The following PRKG1 variants were observed in gnomAD, a reference collection of about 807,000 sequenced individuals.
The protein encoded by PRKG1 is cGMP-dependent protein kinase 1.
In PRKG1, 35 loss-of-function variants were observed where a neutral mutation model predicts 88.1. That is an observed-to-expected ratio of 0.40 (90% confidence interval 0.30 to 0.53). PRKG1 has a LOEUF of 0.53. Ranked by LOEUF, PRKG1 falls within the 20% of genes least tolerant of loss-of-function variation. The probability of loss-of-function intolerance (pLI) is 0.59; values close to 1 mark genes in which losing one functional copy is unlikely to be tolerated. For missense variants in PRKG1, 540 were observed against 839.8 expected, an observed-to-expected ratio of 0.64 and a Z score of 4.41; for synonymous variants, 303 against 292.5, an observed-to-expected ratio of 1.04 and a Z score of -0.37.
At chr10:52,021,860 G>A (rs1845194701) in intron 5 of PRKG1, among the ~76,000 whole-genome samples, 1 of 152,146 alleles carries the variant, frequency 6.6e-6, no homozygotes. Flanking sequence ...CAGGATAAGA[G>A]TCAAGACTAG....
At chr10:51,929,530 T>C (rs910956560) in intron 5 of PRKG1, among the ~76,000 whole-genome samples, 1 of 151,944 alleles carries the variant, frequency 6.6e-6, no homozygotes, top group Non-Finnish European at 1.5e-5. Flanking sequence ...TTTGTATTTT[T>C]AGTAGAGATG....
chr10:51,101,518 T>C (rs932301389), intron 1 of PRKG1, among the ~76,000 whole-genome samples: 1 of 152,224 alleles, frequency 6.6e-6, no homozygotes, highest in Non-Finnish European at 1.5e-5. Flanking sequence ...TTTTGAGAAC[T>C]TTGTATTCTC....
At chr10:51,134,253 G>A (rs1201567563) in intron 1 of PRKG1, among the ~76,000 whole-genome samples, 2 of 152,066 alleles carry the variant, frequency 1.3e-5, no homozygotes, top group Admixed American at 6.6e-5. Flanking sequence ...TATAATTACT[G>A]GAATTCCTAA....
intron 3 of PRKG1, among the ~76,000 whole-genome samples, chr10:51,705,118 C>T (rs1042591518): frequency 9.9e-5 from 15 of 152,056 alleles, no homozygotes; most frequent in African/African-American, 3.1e-4. Context: ...TTTTTCACCT[C>T]CTAGCTTTTT....
chr10:51,927,133 T>C lies in PRKG1; in HGVS notation c.762+19563T>C, dbSNP rs111697168. Among the ~76,000 whole-genome samples the C allele has an allele frequency of 1.6e-3, 245 of 152,188 alleles. 1 individual carries two copies. Among genetic ancestry groups the C allele is most frequent in the Non-Finnish European group, 2.7e-3 (186 of 67,954 alleles). ...ATGATATGGTTTGACCATATTCCTA[T>C]CCAAATCTCATTTTGAATTGTAGCT... On this transcript the variant is annotated intron_variant, in intron 5 of 17. Transcript: ENST00000373980.
intron 3 of PRKG1, among the ~76,000 whole-genome samples, chr10:51,526,125 G>A (rs960021841): frequency 1.3e-5 from 2 of 151,966 alleles, no homozygotes; most frequent in Non-Finnish European, 2.9e-5. Context: ...CAGTCACTTC[G>A]CTACTATTAA....
chr10:51,551,756 C>T (rs1837141538), intron 3 of PRKG1, among the ~76,000 whole-genome samples: 1 of 151,764 alleles, frequency 6.6e-6, no homozygotes, highest in African/African-American at 2.4e-5. Context: ...TCGACTACAT[C>T]ATGGAAATTG....
intron 3 of PRKG1, among the ~76,000 whole-genome samples, chr10:51,743,070 A>C (rs1564629585): frequency 6.6e-6 from 1 of 151,568 alleles, no homozygotes; most frequent in East Asian, 1.9e-4. Context: ...GAGAGAGAGA[A>C]AGGAAGGATA....
chr10:51,738,424 A>T (rs1466659532), intron 3 of PRKG1, among the ~76,000 whole-genome samples: 1 of 152,184 alleles, frequency 6.6e-6, no homozygotes, highest in Non-Finnish European at 1.5e-5. Flanking sequence ...ATGTAATTGT[A>T]AGTTTCTTTT....
At chr10:51,281,952 A>T (rs769777439) in intron 2 of PRKG1, among the ~76,000 whole-genome samples, 1 of 152,176 alleles carries the variant, frequency 6.6e-6, no homozygotes, top group Non-Finnish European at 1.5e-5. Flanking sequence ...AGCATTTTTC[A>T]TAGTGGTGCT....
intron 2 of PRKG1, chr10:51,244,880 T>C (rs946455939): frequency 6.6e-6 from 1 of 152,054 alleles, no homozygotes. Flanking sequence ...TGTATCTTTT[T>C]AACTGCAAAC....
chr10:52,154,188 A>G (rs1838022065), intron 8 of PRKG1, among the ~76,000 whole-genome samples: 1 of 152,212 alleles, frequency 6.6e-6, no homozygotes, highest in South Asian at 2.1e-4. Flanking sequence ...TTCTGAATTT[A>G]TATACTTTAG....
chr10:51,430,899 A>C (rs1483016872), intron 2 of PRKG1, among the ~76,000 whole-genome samples: 2 of 152,226 alleles, frequency 1.3e-5, no homozygotes, highest in Non-Finnish European at 2.9e-5. Context: ...ACATCTAGAC[A>C]AAAAAGCAGA....
Position 52,288,835 on chromosome 10 carries a change from A to T in PRKG1, c.1819A>T (p.Lys607Ter). The change falls in exon 15 of 18, where the codon AAA becomes TAA. Residue 607 changes from lysine (K) to a stop codon, truncating the protein, a stop_gained. Transcript: ENST00000373980. LOFTEE classifies it high-confidence loss of function. The stretch of plus-strand genomic sequence containing the variant: ...TGCCAAAAATGCTGCTAATTTAATT[A>T]AAAAACTATGCAGGTAAGTATTTCA... The part of the protein sequence containing the change: ...KIAKNAANLI[K>*]KLCRDNPSER... The T allele has an allele frequency of 1.9e-6, 3 of 1,603,204 alleles. No homozygotes were observed. Among genetic ancestry groups the T allele is most frequent in the Non-Finnish European group, 2.6e-6 (3 of 1,175,652 alleles).
chr10:51,188,093 G>T (rs1022834742), intron 2 of PRKG1, among the ~76,000 whole-genome samples: 3 of 151,932 alleles, frequency 2.0e-5, no homozygotes, highest in Non-Finnish European at 2.9e-5. Flanking sequence ...TTAGTCTGAG[G>T]CTCTAAACAC....
chr10:51,651,075 A>C lies in PRKG1; in HGVS notation c.593-153510A>C, dbSNP rs568829460. 7.0e-4 allele frequency among the ~76,000 whole-genome samples: 106 copies of C among 152,304 alleles called. 2 individuals carry two copies. The South Asian group carries it at 0.021, about 30-fold the overall frequency. On this transcript the variant is annotated intron_variant, in intron 3 of 17. Coordinates refer to ENST00000373980, the MANE Select transcript of PRKG1 (RefSeq NM_006258.4). ...TGGGTAAAGGCCAGGGATTCTGCTA[A>C]ACATTCTACAATGCACAAGACGGCC...
intron 3 of PRKG1, among the ~76,000 whole-genome samples, chr10:51,776,139 C>A (rs1433988518): frequency 6.6e-6 from 1 of 152,130 alleles, no homozygotes; most frequent in African/African-American, 2.4e-5. Flanking sequence ...AAATGTTTAT[C>A]TACCCAAAGA....
At chr10:52,179,896 C>T (rs757564147) in intron 9 of PRKG1, among the ~76,000 whole-genome samples, 1 of 152,100 alleles carries the variant, frequency 6.6e-6, no homozygotes, top group Non-Finnish European at 1.5e-5. Flanking sequence ...ACTGTGTTGG[C>T]CAGGCTGGTC....
intron 9 of PRKG1, among the ~76,000 whole-genome samples, chr10:52,245,201 A>G (rs1479206137): frequency 1.3e-5 from 2 of 151,836 alleles, no homozygotes; most frequent in African/African-American, 2.4e-5. Flanking sequence ...CACTTTCTCA[A>G]TGTTCTTACT....
Sources: gnomAD v4.1 joint callset for allele counts (sites outside exome capture counted in the v4.1 genomes callset) on GRCh38, gnomAD v4.1.1 for gene constraint, MANE v1.5 for transcripts, NCBI Gene and HGNC (gene_info 2026-07-23, HGNC 2026-07-21) for gene names.